CDH19: variants seen among roughly 807,000 people sequenced by gnomAD.
CDH19 encodes cadherin-19.
Under a neutral mutation model 64.2 loss-of-function variants are expected in CDH19, and 67 were observed. The observed-to-expected ratio is 1.04, with a 90% CI of 0.86 to 1.28. The LOEUF is 1.28. CDH19 is among the 50% of genes most tolerant of loss of function. The probability of loss-of-function intolerance (pLI) is 0.00; values close to 1 mark genes in which losing one functional copy is unlikely to be tolerated. For synonymous variants in CDH19, 346 were observed against 319.3 expected (o/e 1.08, Z -0.89); for missense variants, 1,030 against 929.0 (o/e 1.11, Z -1.41).
intron 3 of CDH19, among the ~76,000 whole-genome samples, chr18:66,557,778 T>A (rs1175675825): frequency 6.6e-6 from 1 of 151,842 alleles, no homozygotes; most frequent in Non-Finnish European, 1.5e-5. Flanking sequence ...CAGGTAGATC[T>A]AAGTATGGTG....
intron 1 of CDH19, among the ~76,000 whole-genome samples, chr18:66,582,013 CAA>C (rs1988435830): frequency 6.6e-6 from 1 of 152,018 alleles, no homozygotes; most frequent in Non-Finnish European, 1.5e-5. Flanking sequence ...TTAAAGACAT[CAA>C]GTGTATTCTA....
intron 4 of CDH19, among the ~76,000 whole-genome samples, chr18:66,552,115 C>T (rs1460005366): frequency 6.6e-6 from 1 of 151,878 alleles, no homozygotes; most frequent in East Asian, 1.9e-4. Context: ...GTAGCATGCT[C>T]ACTACCTGTG....
intron 9 of CDH19, among the ~76,000 whole-genome samples, chr18:66,522,590 C>T (rs1986043115): frequency 6.6e-6 from 1 of 151,980 alleles, no homozygotes; most frequent in Admixed American, 6.6e-5. Context: ...TTTTACACAG[C>T]TTTCAAACAT....
At chr18:66,519,756 T>C (rs1374015918) in intron 9 of CDH19, among the ~76,000 whole-genome samples, 1 of 152,150 alleles carries the variant, frequency 6.6e-6, no homozygotes, top group Non-Finnish European at 1.5e-5. Context: ...AAAAGACATT[T>C]AAATAATACA....
chr18:66,589,066 T>A (rs1411793728), intron 1 of CDH19, among the ~76,000 whole-genome samples: 1 of 151,752 alleles, frequency 6.6e-6, no homozygotes, highest in Admixed American at 6.6e-5. Context: ...ATCATGATGG[T>A]TTAACAAAAC....
intron 1 of CDH19, among the ~76,000 whole-genome samples, chr18:66,586,081 T>A (rs993381154): frequency 6.6e-6 from 1 of 152,078 alleles, no homozygotes; most frequent in African/African-American, 2.4e-5. Flanking sequence ...CTGTGAAAAC[T>A]TGTAAAAATA....
At chr18:66,588,018 C>T (rs1261607650) in intron 1 of CDH19, among the ~76,000 whole-genome samples, 1 of 152,142 alleles carries the variant, frequency 6.6e-6, no homozygotes, top group East Asian at 1.9e-4. Flanking sequence ...TGTTGAATTT[C>T]ATTTCAGTGT....
intron 1 of CDH19, among the ~76,000 whole-genome samples, chr18:66,603,471 T>C (rs989482419): frequency 3.3e-5 from 5 of 150,548 alleles, no homozygotes; most frequent in Admixed American, 2.0e-4. Context: ...TTTGGAATTA[T>C]AATATACTTA....
chr18:66,573,537 T>G (rs1988171447), intron 1 of CDH19, among the ~76,000 whole-genome samples: 1 of 151,788 alleles, frequency 6.6e-6, no homozygotes, highest in South Asian at 2.1e-4. Flanking sequence ...GAAATTCAGA[T>G]AAATCTGCTC....
chr18:66,517,050 G>T (rs1238950122), intron 9 of CDH19, among the ~76,000 whole-genome samples: 1 of 152,086 alleles, frequency 6.6e-6, no homozygotes, highest in Non-Finnish European at 1.5e-5. Flanking sequence ...CAAATTTGGT[G>T]TAACCATGGG....
At chr18:66,568,385 T>C (rs1987983287) in intron 3 of CDH19, 31 bp downstream of exon 3, 1 of 1,530,302 alleles carries the variant, frequency 6.5e-7, no homozygotes, top group African/African-American at 1.4e-5. Flanking sequence ...TCATTGTTAA[T>C]ATATCTTTGA....
chr18:66,592,815 A>T (rs1599042842), intron 1 of CDH19, among the ~76,000 whole-genome samples: 1 of 151,778 alleles, frequency 6.6e-6, no homozygotes, highest in Admixed American at 6.6e-5. Flanking sequence ...TCTTCCATAT[A>T]TTGGCTATTG....
intron 7 of CDH19, among the ~76,000 whole-genome samples, chr18:66,543,299 T>C (rs1463555660): frequency 6.6e-6 from 1 of 152,032 alleles, no homozygotes; most frequent in Admixed American, 6.5e-5. Flanking sequence ...AGTGCTGGGA[T>C]TACAGGCGTG....
At chr18:66,520,601 T>C (rs1321115081) in intron 9 of CDH19, among the ~76,000 whole-genome samples, 1 of 152,032 alleles carries the variant, frequency 6.6e-6, no homozygotes, top group Admixed American at 6.6e-5. Flanking sequence ...ATTTGGAGAA[T>C]TTTATATTGT....
rs7233877 is a variant in CDH19 at position 66,517,733 on chromosome 18, G to T, written c.1459-6048C>A. Among the ~76,000 whole-genome samples, 274 of 151,938 alleles carry T rather than the reference G, an allele frequency of 1.8e-3. 1 individual carries two copies. Among genetic ancestry groups the T allele is most frequent in the African/African-American group, 6.3e-3 (262 of 41,474 alleles). ...TTTGAGCATGTGGGAAATGAGAAAA[G>T]AATCATCTTCATAAATTAAAAATAT... On this transcript the variant is annotated intron_variant, in intron 9 of 11. Coordinates refer to ENST00000262150, the MANE Select transcript of CDH19 (RefSeq NM_021153.4).
chr18:66,525,345 T>C (rs1242167950), intron 9 of CDH19, among the ~76,000 whole-genome samples: 1 of 152,148 alleles, frequency 6.6e-6, no homozygotes, highest in Non-Finnish European at 1.5e-5. Flanking sequence ...TTATTACCTT[T>C]GAAAGCATTT....
chr18:66,521,539 G>A (rs1470286487), intron 9 of CDH19, among the ~76,000 whole-genome samples: 44 of 106,772 alleles, frequency 4.1e-4, no homozygotes, highest in Admixed American at 9.1e-4. Flanking sequence ...TTGTTTGTTT[G>A]TTTGTTTATT....
chr18:66,549,011 T>C (rs1987243409), intron 5 of CDH19, among the ~76,000 whole-genome samples: 1 of 151,972 alleles, frequency 6.6e-6, no homozygotes, highest in Admixed American at 6.6e-5. Flanking sequence ...ACAGAGGGTA[T>C]AGGTATTGAG....
At chr18:66,596,904 A>G (rs1446030268) in intron 1 of CDH19, among the ~76,000 whole-genome samples, 1 of 150,264 alleles carries the variant, frequency 6.7e-6, no homozygotes, top group African/African-American at 2.4e-5. Flanking sequence ...AAAACGGTGA[A>G]ACCCCGTCTC....
Sources: gnomAD v4.1 joint callset for allele counts (sites outside exome capture counted in the v4.1 genomes callset) on GRCh38, gnomAD v4.1.1 for gene constraint, MANE v1.5 for transcripts, NCBI Gene and HGNC (gene_info 2026-07-23, HGNC 2026-07-21) for gene names.